The following ATR variants were observed in gnomAD, a reference collection of about 807,000 sequenced individuals.
ATR encodes ATR checkpoint kinase.
Under a neutral mutation model 305.3 loss-of-function variants are expected in ATR, and 142 were observed. The observed-to-expected ratio is 0.47, with a 90% confidence interval of 0.41 to 0.53. The LOEUF (loss-of-function observed/expected upper bound fraction) is 0.53, where lower values mean the gene tolerates loss of function less well. Among genes scored for constraint, ATR ranks in the 20% least tolerant of loss-of-function variants. The probability of loss-of-function intolerance (pLI) is 0.00; values close to 1 mark genes in which losing one functional copy is unlikely to be tolerated. For synonymous variants in ATR, 1,050 were observed against 1,068.1 expected (o/e 0.98, Z 0.33); for missense variants, 2,135 against 3,133.1 (o/e 0.68, Z 7.60).
At chr3:142,530,064 C>T (rs2033578272) in intron 21 of ATR, among the ~76,000 whole-genome samples, 1 of 152,024 alleles carries the variant, frequency 6.6e-6, no homozygotes, top group South Asian at 2.1e-4. Flanking sequence ...GAAATCTTTG[C>T]CAATCTTCCA....
At chr3:142,479,524 G>A (rs951515122) in intron 36 of ATR, among the ~76,000 whole-genome samples, 5 of 151,966 alleles carry the variant, frequency 3.3e-5, no homozygotes, top group Non-Finnish European at 5.9e-5. Context: ...CTTAACGTTC[G>A]TTCCTTCATT....
chr3:142,466,557 T>C, intron 39 of ATR, 24 bp from the exon 40 acceptor site: 2 of 1,591,758 alleles, frequency 1.3e-6, no homozygotes, highest in Non-Finnish European at 1.7e-6. Context: ...TAGTGCATTT[T>C]AATTTGTTTT....
intron 16 of ATR, among the ~76,000 whole-genome samples, chr3:142,545,819 A>T (rs1218906210): frequency 2.0e-5 from 3 of 152,210 alleles, no homozygotes; most frequent in Admixed American, 6.5e-5. Flanking sequence ...AATGCTTCTC[A>T]GGTTTTGTCT....
At chr3:142,507,834 G>A (rs2032336703) in intron 28 of ATR, 97 bp downstream of exon 28, 37 of 1,157,468 alleles carry the variant, frequency 3.2e-5, no homozygotes, top group Non-Finnish European at 4.5e-5. Flanking sequence ...AAGCTTCTAA[G>A]CATAGCATAT....
At chr3:142,507,853 C>T in intron 28 of ATR, 78 bp downstream of exon 28, 1 of 1,327,954 alleles carries the variant, frequency 7.5e-7, no homozygotes, top group Non-Finnish European at 1.1e-6. Context: ...ATAAAACATT[C>T]AATAAAATGA....
At chr3:142,541,268 T>G in intron 17 of ATR, among the ~76,000 whole-genome samples, 1 of 152,216 alleles carries the variant, frequency 6.6e-6, no homozygotes, top group East Asian at 1.9e-4. Context: ...CCCTTGAAGG[T>G]GATTTGTTAT....
intron 27 of ATR, among the ~76,000 whole-genome samples, chr3:142,508,358 G>A (rs1448653533): frequency 6.6e-6 from 1 of 152,018 alleles, no homozygotes; most frequent in African/African-American, 2.4e-5. Flanking sequence ...CCTATAAAAG[G>A]AAAATGTTAG....
chr3:142,578,136 C>T (rs1004482120), intron 1 of ATR, among the ~76,000 whole-genome samples: 1 of 152,106 alleles, frequency 6.6e-6, no homozygotes, highest in South Asian at 2.1e-4. Context: ...AAAAAAACTG[C>T]CTTTTCCAGC....
chr3:142,536,045 A>G, intron 20 of ATR, 63 bp downstream of exon 20: 1 of 1,153,806 alleles, frequency 8.7e-7, no homozygotes, highest in Non-Finnish European at 1.3e-6. Context: ...TATTTCATGT[A>G]TTGGAACTTG....
intron 1 of ATR, among the ~76,000 whole-genome samples, chr3:142,572,360 C>T (rs1009569771): frequency 1.3e-5 from 2 of 148,380 alleles, no homozygotes; most frequent in Admixed American, 6.7e-5. Flanking sequence ...TGAGCCACCA[C>T]GCCCGGCCTG....
rs2034657077 is a variant in ATR, at chr3:142,556,000, G to C, written c.2218C>G (p.Leu740Val). 1 of 1,613,954 alleles carries C rather than the reference G, an allele frequency of 6.2e-7. No individual in the cohort carries two copies. The highest frequency in any genetic ancestry group is 8.5e-7 in the Non-Finnish European group (1 of 1,179,962). ...GTGGCTTTCAAGTTCCTACAGAAGA[G>C]GTCCACATGTCCGTGTTCAGAGAAA... ...EPFSEHGHVD[L>V]FCRNLKATSQ... is the part of the protein sequence containing the mutation. The change falls in exon 10 of 47, where the codon CTC (leucine) becomes GTC (valine). Residue 740 changes from leucine (L) to valine (V), a missense_variant. By Grantham distance (32) the Leu-to-Val change is conservative. This residue lies in a region of ATR where 744 missense variants were observed against 873.2 expected (regional missense o/e 0.85). Transcript: ENST00000350721.
At chr3:142,450,567 T>G in intron 46 of ATR, 1 of 1,607,764 alleles carries the variant, frequency 6.2e-7, no homozygotes, top group Non-Finnish European at 8.5e-7. Flanking sequence ...AAGCACAAAC[T>G]TCACGTTACT....
chr3:142,498,072 T>C (rs2031748719), intron 32 of ATR, among the ~76,000 whole-genome samples: 1 of 152,184 alleles, frequency 6.6e-6, no homozygotes, highest in East Asian at 1.9e-4. Flanking sequence ...AAAAAAACAG[T>C]GCTATGTAGT....
At chr3:142,473,043 T>C (rs1222325631) in intron 36 of ATR, among the ~76,000 whole-genome samples, 2 of 152,202 alleles carry the variant, frequency 1.3e-5, no homozygotes, top group Non-Finnish European at 2.9e-5. Flanking sequence ...TCCCATTCTA[T>C]AGGTTGTCTT....
chr3:142,458,254 G>A (rs2070949342), intron 44 of ATR, among the ~76,000 whole-genome samples: 1 of 152,104 alleles, frequency 6.6e-6, no homozygotes, highest in African/African-American at 2.4e-5. Flanking sequence ...CCTCTAATCT[G>A]CCTTTTCTAG....
chr3:142,479,855 A>C (rs890523722), intron 36 of ATR, among the ~76,000 whole-genome samples: 1 of 152,112 alleles, frequency 6.6e-6, no homozygotes, highest in African/African-American at 2.4e-5. Flanking sequence ...AATCACTGAT[A>C]CCCTTTCTTC....
At chr3:142,564,454 G>A (rs2034993474) in intron 3 of ATR, among the ~76,000 whole-genome samples, 1 of 152,146 alleles carries the variant, frequency 6.6e-6, no homozygotes. Flanking sequence ...ATAAGAAAAT[G>A]CACATGAAAT....
intron 21 of ATR, among the ~76,000 whole-genome samples, chr3:142,531,291 C>T (rs1314076967): frequency 6.6e-6 from 1 of 151,880 alleles, no homozygotes; most frequent in East Asian, 1.9e-4. Flanking sequence ...TTTTAGGGTA[C>T]TTGTACACAA....
intron 36 of ATR, among the ~76,000 whole-genome samples, chr3:142,473,520 AG>A (rs1348384412): frequency 1.3e-5 from 2 of 150,766 alleles, no homozygotes; most frequent in Non-Finnish European, 3.0e-5. Context: ...TTTTGAAGTC[AG>A]GTAGTGTGAT....
Sources: allele counts gnomAD v4.1 joint callset (sites outside exome capture counted in the v4.1 genomes callset), GRCh38; gene constraint gnomAD v4.1.1; regional missense constraint gnomAD v4.1.1; transcripts MANE v1.5; gene names NCBI Gene and HGNC (gene_info 2026-07-23, HGNC 2026-07-21).